HMGB1: variants seen among roughly 807,000 people sequenced by gnomAD.
The protein encoded by HMGB1 is high mobility group protein B1.
For missense variants in HMGB1, 79 were observed against 253.5 expected, an observed-to-expected ratio of 0.31 and a Z score of 4.67; for synonymous variants, 81 against 84.0, an observed-to-expected ratio of 0.96 and a Z score of 0.19.
intron 1 of HMGB1, among the ~76,000 whole-genome samples, chr13:30,565,061 C>A (rs553062799): frequency 6.6e-6 from 1 of 152,222 alleles, no homozygotes; most frequent in South Asian, 2.1e-4. Context: ...TTATTAACCC[C>A]GTTTTAGAGA....
chr13:30,596,109 G>T (rs1400581493), intron 1 of HMGB1, among the ~76,000 whole-genome samples: 2 of 152,178 alleles, frequency 1.3e-5, no homozygotes, highest in African/African-American at 4.8e-5. Flanking sequence ...AATATTAGGT[G>T]ATCTCTGGGG....
At chr13:30,469,052 C>G (rs187420077), upstream of HMGB1, among the ~76,000 whole-genome samples, 2 of 152,186 alleles carry the variant, frequency 1.3e-5, no homozygotes, top group Non-Finnish European at 2.9e-5. Context: ...CACCACCATG[C>G]CTGGGTAATT....
intron 1 of HMGB1, among the ~76,000 whole-genome samples, chr13:30,510,107 C>T (rs35307438): frequency 2.8e-3 from 431 of 152,336 alleles, no homozygotes; most frequent in Non-Finnish European, 4.8e-3. Flanking sequence ...ACTCTTCCTC[C>T]ACCACCTCCT....
intron 1 of HMGB1, among the ~76,000 whole-genome samples, chr13:30,576,048 A>G (rs1870640750): frequency 6.6e-6 from 1 of 152,146 alleles, no homozygotes; most frequent in African/African-American, 2.4e-5. Flanking sequence ...CAAGGCCAAC[A>G]TTGGTATTCT....
At chr13:30,486,440 A>C (rs1171596574) in intron 1 of HMGB1, among the ~76,000 whole-genome samples, 1 of 152,204 alleles carries the variant, frequency 6.6e-6, no homozygotes, top group African/African-American at 2.4e-5. Context: ...TGCCAATGGC[A>C]GTGGTATGGA....
chr13:30,573,599 CAAAT>C (rs1870522037), intron 1 of HMGB1, among the ~76,000 whole-genome samples: 1 of 150,420 alleles, frequency 6.6e-6, no homozygotes, highest in African/African-American at 2.4e-5. Flanking sequence ...CTAAAGTGAC[CAAAT>C]AAATACTGGA....
chr13:30,578,047 A>C (rs953652353), intron 1 of HMGB1, among the ~76,000 whole-genome samples: 2 of 152,020 alleles, frequency 1.3e-5, no homozygotes, highest in African/African-American at 2.4e-5. Context: ...CATGGAGGTA[A>C]GCAGCAAGAG....
chr13:30,481,047 T>G (rs889857381), intron 1 of HMGB1, among the ~76,000 whole-genome samples: 3 of 151,940 alleles, frequency 2.0e-5, no homozygotes, highest in African/African-American at 7.3e-5. Flanking sequence ...TTGTGTGTGT[T>G]TTTTTTTCTT....
intron 1 of HMGB1, among the ~76,000 whole-genome samples, chr13:30,568,012 A>T (rs1226991066): frequency 6.6e-6 from 1 of 152,220 alleles, no homozygotes; most frequent in African/African-American, 2.4e-5. Context: ...CAATGGTCCC[A>T]TGACAACATA....
chr13:30,523,776 T>C (rs1481325171), intron 1 of HMGB1, among the ~76,000 whole-genome samples: 1 of 151,542 alleles, frequency 6.6e-6, no homozygotes, highest in Non-Finnish European at 1.5e-5. Flanking sequence ...GGCCTCACTC[T>C]ATTGCCCAGG....
chr13:30,552,233 T>G (rs1869460682), intron 1 of HMGB1, among the ~76,000 whole-genome samples: 1 of 152,214 alleles, frequency 6.6e-6, no homozygotes, highest in African/African-American at 2.4e-5. Context: ...CACTTGCTTT[T>G]CCCCATCCCC....
chr13:30,594,490 T>C (rs1871515476), intron 1 of HMGB1, among the ~76,000 whole-genome samples: 1 of 152,248 alleles, frequency 6.6e-6, no homozygotes, highest in Admixed American at 6.5e-5. Flanking sequence ...TTTAGTTTTC[T>C]TGTTCTGCGT....
chr13:30,568,575 T>C (rs1329798974), intron 1 of HMGB1, among the ~76,000 whole-genome samples: 1 of 152,188 alleles, frequency 6.6e-6, no homozygotes. Flanking sequence ...CATCCTGATT[T>C]AGGATGGACC....
At chr13:30,575,212 A>C (rs765486773) in intron 1 of HMGB1, among the ~76,000 whole-genome samples, 3 of 152,252 alleles carry the variant, frequency 2.0e-5, no homozygotes, top group Non-Finnish European at 4.4e-5. Context: ...ATTAACATAC[A>C]AACCATGATG....
At chr13:30,467,764 G>T (rs928836071), upstream of HMGB1, among the ~76,000 whole-genome samples, 1 of 152,132 alleles carries the variant, frequency 6.6e-6, no homozygotes, top group African/African-American at 2.4e-5. Flanking sequence ...TGGCATCGAT[G>T]ATATTAAAAT....
chr13:30,462,056 A>T (rs989571551), intron 4 of HMGB1, among the ~76,000 whole-genome samples: 1 of 152,260 alleles, frequency 6.6e-6, no homozygotes, highest in Non-Finnish European at 1.5e-5. Context: ...CTGAACTATA[A>T]GAGTTATAGA....
intron 1 of HMGB1, among the ~76,000 whole-genome samples, chr13:30,535,164 T>G (rs1888584589): frequency 6.6e-6 from 1 of 152,222 alleles, no homozygotes; most frequent in Non-Finnish European, 1.5e-5. Flanking sequence ...TTTCTCTTTC[T>G]GCCCTATCAC....
At chr13:30,560,534 C>T (rs1261758145) in intron 1 of HMGB1, among the ~76,000 whole-genome samples, 2 of 152,044 alleles carry the variant, frequency 1.3e-5, no homozygotes, top group Admixed American at 6.6e-5. Flanking sequence ...AATGTGGAGT[C>T]GAGGGGCTGT....
intron 1 of HMGB1, among the ~76,000 whole-genome samples, chr13:30,612,455 C>T (rs1340554797): frequency 6.6e-6 from 1 of 152,160 alleles, no homozygotes; most frequent in African/African-American, 2.4e-5. Flanking sequence ...TGCTGCAATG[C>T]CAGCTTCAAG....
Sources: gnomAD v4.1 joint callset for allele counts (sites outside exome capture counted in the v4.1 genomes callset) on GRCh38, gnomAD v4.1.1 for gene constraint, MANE v1.5 for transcripts, NCBI Gene and HGNC (gene_info 2026-07-23, HGNC 2026-07-21) for gene names.